Variants in PDE10A observed in about 807,000 individuals in gnomAD.
PDE10A encodes the protein cAMP and cAMP-inhibited cGMP 3',5'-cyclic phosphodiesterase 10A.
A neutral mutation model predicts 97.7 loss-of-function variants in PDE10A; 39 were observed. The observed-to-expected ratio is 0.40, with a 90% confidence interval of 0.31 to 0.52. PDE10A has a LOEUF of 0.52. PDE10A is among the 20% of genes least tolerant of loss of function. The probability of loss-of-function intolerance (pLI) is 0.56; values close to 1 mark genes in which losing one functional copy is unlikely to be tolerated. For missense variants in PDE10A, 731 were observed against 1,047.8 expected (o/e 0.70, Z 4.17); for synonymous variants, 371 against 376.8 (o/e 0.98, Z 0.18).
chr6:165,812,572 T>G (rs999095677), intron 1 of PDE10A, among the ~76,000 whole-genome samples: 1 of 152,234 alleles, frequency 6.6e-6, no homozygotes, highest in African/African-American at 2.4e-5. Context: ...GAATGGGTAG[T>G]GACTTTCTCA....
intron 1 of PDE10A, chr6:165,545,338 T>A: frequency 2.7e-6 from 1 of 368,974 alleles, no homozygotes; most frequent in Non-Finnish European, 5.1e-6. Context: ...CAAAACTATA[T>A]GAGTTATCTC....
chr6:165,657,820 T>C (rs1401927255), intron 1 of PDE10A, among the ~76,000 whole-genome samples: 1 of 152,248 alleles, frequency 6.6e-6, no homozygotes, highest in Non-Finnish European at 1.5e-5. Context: ...AAGTCCTTTC[T>C]GATTTCCTTA....
intron 4 of PDE10A, 54 bp from the exon 5 acceptor site, chr6:165,449,031 T>C (rs776747212): frequency 1.3e-5 from 16 of 1,254,642 alleles, no homozygotes; most frequent in Non-Finnish European, 1.6e-5. Flanking sequence ...GAATCTAACA[T>C]GTATGCATCC....
At chr6:165,973,524 T>C (rs1325719347) in intron 1 of PDE10A, among the ~76,000 whole-genome samples, 5 of 152,002 alleles carry the variant, frequency 3.3e-5, no homozygotes, top group African/African-American at 1.2e-4. Context: ...TTAGTTGAGA[T>C]TGACTAAGGA....
At position 165,848,803 on chromosome 6, in the gene PDE10A, G is replaced by A. The variant is rs538944351; in HGVS notation, c.-615+138726C>T. On this transcript the variant is annotated intron_variant, in intron 1 of 19. Coordinates refer to the PDE10A transcript ENST00000366882. The stretch of plus-strand genomic sequence containing the variant: ...TAATCAGCGACTTCAAGATAGGGCC[G>A]GGGGAGGAAGGGTCAGCCTGCCTTT... Among the ~76,000 whole-genome samples, 16 of 152,278 alleles carry A rather than the reference G, an allele frequency of 1.1e-4. No homozygotes were observed. The South Asian group carries it at 1.2e-3, about 12-fold the overall frequency.
At chr6:165,354,430 T>C (rs931195874) in intron 18 of PDE10A, among the ~76,000 whole-genome samples, 18 of 152,174 alleles carry the variant, frequency 1.2e-4, no homozygotes, top group Admixed American at 9.8e-4. Flanking sequence ...CTTTTGAACA[T>C]GAATTGTCCA....
At chr6:165,529,143 G>T (rs1782624063) in intron 2 of PDE10A, among the ~76,000 whole-genome samples, 1 of 152,168 alleles carries the variant, frequency 6.6e-6, no homozygotes, top group South Asian at 2.1e-4. Flanking sequence ...TTGCCACAGG[G>T]ACACTCTGGG....
chr6:165,730,641 T>G (rs1433635032), intron 1 of PDE10A, among the ~76,000 whole-genome samples: 2 of 151,146 alleles, frequency 1.3e-5, no homozygotes, highest in East Asian at 3.9e-4. Context: ...TAATCCCAGC[T>G]ACTCAGAAGG....
At chr6:165,827,564 G>A (rs1035207640) in intron 1 of PDE10A, among the ~76,000 whole-genome samples, 3 of 152,332 alleles carry the variant, frequency 2.0e-5, no homozygotes, top group Non-Finnish European at 4.4e-5. Flanking sequence ...CAAGTGCACC[G>A]GTGTGCTGGT....
At chr6:165,973,427 AT>A (rs67242351) in intron 1 of PDE10A, among the ~76,000 whole-genome samples, 4,425 of 147,376 alleles carry the variant, frequency 0.03, 199 homozygotes, top group African/African-American at 0.094. Context: ...AAAAAAAAAA[AT>A]AAAATAAAAA....
chr6:165,785,277 A>G (rs540968547), intron 1 of PDE10A, among the ~76,000 whole-genome samples: 1 of 152,330 alleles, frequency 6.6e-6, no homozygotes, highest in South Asian at 2.1e-4. Context: ...CTAGCTACTC[A>G]GTAAATACTA....
At chr6:165,517,917 T>C (rs1224860238) in intron 2 of PDE10A, among the ~76,000 whole-genome samples, 1 of 152,244 alleles carries the variant, frequency 6.6e-6, no homozygotes, top group African/African-American at 2.4e-5. Context: ...AGTGATTCCA[T>C]GTGTCCGGTG....
intron 1 of PDE10A, among the ~76,000 whole-genome samples, chr6:165,932,791 G>T (rs1783180403): frequency 6.6e-6 from 1 of 152,226 alleles, no homozygotes; most frequent in Non-Finnish European, 1.5e-5. Context: ...CTTTTTGAGG[G>T]ATAACTGGTT....
rs567026732 is a variant in PDE10A, at chr6:165,541,150, T to C, written c.994+2290A>G. Among the ~76,000 whole-genome samples, 3 of 152,310 alleles carry C rather than the reference T, an allele frequency of 2.0e-5. No homozygotes were observed. In the South Asian group the frequency reaches 6.2e-4, roughly 32 times the overall value. On this transcript the variant is annotated intron_variant, in intron 2 of 21. Coordinates refer to ENST00000539869, the MANE Select transcript of PDE10A (RefSeq NM_001385079.1). ...CAGTGGAATGTAAGGTTCCTTTTTA[T>C]ATACTTCCAGTGCTTGTATCCCTGT...
chr6:165,583,821 G>A (rs769071527), intron 1 of PDE10A, among the ~76,000 whole-genome samples: 9 of 152,186 alleles, frequency 5.9e-5, no homozygotes, highest in Non-Finnish European at 1.0e-4. Flanking sequence ...CAAGGGTGGG[G>A]AGGAATAGGA....
At chr6:165,894,505 CA>C (rs1390178758) in intron 1 of PDE10A, 1 of 455,994 alleles carries the variant, frequency 2.2e-6, no homozygotes, top group Admixed American at 2.3e-5. Context: ...CCTTCGTGTG[CA>C]AAAGATGTGG....
At chr6:165,569,638 T>C (rs1162339542) in intron 1 of PDE10A, among the ~76,000 whole-genome samples, 1 of 152,324 alleles carries the variant, frequency 6.6e-6, no homozygotes, top group South Asian at 2.1e-4. Flanking sequence ...TAGGAAATGT[T>C]CCTCTTGTCT....
intron 3 of PDE10A, among the ~76,000 whole-genome samples, chr6:165,480,722 C>T (rs1272406675): frequency 6.6e-6 from 1 of 152,198 alleles, no homozygotes; most frequent in Non-Finnish European, 1.5e-5. Flanking sequence ...TGTGTTAGAG[C>T]AGAAGCCCTC....
At chr6:165,911,487 A>G (rs1018210983) in intron 1 of PDE10A, among the ~76,000 whole-genome samples, 1 of 152,190 alleles carries the variant, frequency 6.6e-6, no homozygotes, top group Non-Finnish European at 1.5e-5. Context: ...CCCAACTTTC[A>G]TCTGGTTACA....
Sources: allele counts gnomAD v4.1 joint callset (sites outside exome capture counted in the v4.1 genomes callset), GRCh38; gene constraint gnomAD v4.1.1; transcripts MANE v1.5; gene names NCBI Gene and HGNC (gene_info 2026-07-23, HGNC 2026-07-21).